Variants in MEF2C observed in about 807,000 individuals in gnomAD.
MEF2C encodes myocyte-specific enhancer factor 2C.
In MEF2C, 6 loss-of-function variants were observed where a neutral mutation model predicts 50.5. That is an observed-to-expected ratio of 0.12 (90% confidence interval 0.07 to 0.23). The LOEUF is 0.23. Among genes scored for constraint, MEF2C ranks in the 10% least tolerant of loss-of-function variants. The pLI, the probability that MEF2C is intolerant of heterozygous loss-of-function variation, is 1.00. For synonymous variants in MEF2C, 183 were observed against 228.0 expected (o/e 0.80, Z 1.78); for missense variants, 276 against 605.0 (o/e 0.46, Z 5.70).
chr5:88,749,185 C>T, intron 5 of MEF2C, 68 bp from the exon 6 acceptor site: 1 of 1,441,870 alleles, frequency 6.9e-7, no homozygotes, highest in Non-Finnish European at 9.3e-7. Flanking sequence ...ACTTTACCTT[C>T]AGCAACCTCA....
rs199642010 is a variant in MEF2C, at chr5:88,873,708, A to ATTTT, written c.-143+9243_-143+9246dup. On this transcript the variant is annotated intron_variant, in intron 1 of 10. Transcript: ENST00000504921. ...TGCAAATCTATCAATGTCGTCACGG[A>ATTTT]TTTTTTTTTTTTTTTTTTTTTTTTT... Among the ~76,000 whole-genome samples, 18 of 93,828 alleles carry ATTTT rather than the reference A, an allele frequency of 1.9e-4. 1 individual carries two copies. The highest frequency in any genetic ancestry group is 5.7e-4 in the African/African-American group (13 of 22,808). 61.6% of individuals were successfully genotyped at this position (93,828 alleles called of 152,430 possible). A position where few individuals can be genotyped will look rare whatever the true frequency, so the allele number is the denominator to read the frequency against.
At chr5:88,773,858 T>C (rs1284311860) in intron 3 of MEF2C, among the ~76,000 whole-genome samples, 1 of 152,244 alleles carries the variant, frequency 6.6e-6, no homozygotes, top group African/African-American at 2.4e-5. Context: ...TCCCTTTCCA[T>C]GTAAAATCTC....
intron 6 of MEF2C, chr5:88,744,051 G>A: frequency 1.0e-6 from 1 of 974,860 alleles, no homozygotes; most frequent in Non-Finnish European, 1.2e-6. Context: ...TCTCAACTAT[G>A]AATCAATAAC....
upstream of MEF2C, chr5:88,884,625 C>T (rs1373826788): frequency 6.8e-6 from 1 of 146,574 alleles, no homozygotes. Flanking sequence ...TGGACTTCAT[C>T]CAGGTCATTA....
At chr5:88,744,430 G>A (rs1364969450) in intron 6 of MEF2C, among the ~76,000 whole-genome samples, 1 of 152,178 alleles carries the variant, frequency 6.6e-6, no homozygotes, top group Non-Finnish European at 1.5e-5. Context: ...GCGTGCACCT[G>A]TAGTCCCAGC....
At chr5:88,741,327 C>T in intron 6 of MEF2C, 2 of 982,712 alleles carry the variant, frequency 2.0e-6, no homozygotes, top group Non-Finnish European at 2.4e-6. Context: ...GTGCTAGACC[C>T]CTTGCATCAG....
chr5:88,764,585 C>T (rs960673005), intron 3 of MEF2C, among the ~76,000 whole-genome samples: 9 of 151,442 alleles, frequency 5.9e-5, no homozygotes, highest in African/African-American at 1.2e-4. Context: ...CGAGGCAGGC[C>T]GATCACGAGG....
At chr5:88,773,489 G>A (rs964179315) in intron 3 of MEF2C, among the ~76,000 whole-genome samples, 3 of 152,160 alleles carry the variant, frequency 2.0e-5, no homozygotes, top group Admixed American at 2.0e-4. Flanking sequence ...ATAATGAACA[G>A]TTATTTCATA....
chr5:88,739,611 T>A (rs1765639755), intron 6 of MEF2C: 1 of 984,976 alleles, frequency 1.0e-6, no homozygotes, highest in African/African-American at 1.7e-5. Context: ...GAAAAAAAAA[T>A]TAGTGGAAAA....
chr5:88,839,549 A>G (rs1438727957), intron 1 of MEF2C: 1 of 152,170 alleles, frequency 6.6e-6, no homozygotes, highest in African/African-American at 2.4e-5. Flanking sequence ...ACTGCCTTTC[A>G]AAGTGAAGAC....
intron 6 of MEF2C, chr5:88,737,742 A>G: frequency 1.0e-6 from 1 of 985,394 alleles, no homozygotes; most frequent in Non-Finnish European, 1.2e-6. Flanking sequence ...TGAAGATGAA[A>G]CAATGGATCT....
chr5:88,859,644 C>T (rs1464384231), intron 1 of MEF2C, among the ~76,000 whole-genome samples: 1 of 152,126 alleles, frequency 6.6e-6, no homozygotes, highest in Non-Finnish European at 1.5e-5. Context: ...CTAAAAGAAG[C>T]CAATAATTTG....
At position 88,823,849 on chromosome 5, in the gene MEF2C, TTC is replaced by T. The variant is rs1809658080; in HGVS notation, c.-63_-62del. On this transcript the variant is annotated 5_prime_UTR_variant, in exon 2 of 11. Transcript: ENST00000504921. ...TTATGTATTTTTTCCTTCCTTTTCT[TTC>T]TCTTTCCTGTTTCCTCCAAACAAAT... 4 of 1,601,964 alleles carry T rather than the reference TTC, an allele frequency of 2.5e-6. No homozygotes were observed. The highest frequency in any genetic ancestry group is 1.1e-5 in the South Asian group (1 of 88,828).
chr5:88,832,614 T>G (rs1813503378), intron 1 of MEF2C, among the ~76,000 whole-genome samples: 2 of 152,156 alleles, frequency 1.3e-5, no homozygotes, highest in Admixed American at 6.6e-5. Context: ...TATTCACATC[T>G]GGCTCATCTG....
At chr5:88,772,941 A>G in intron 3 of MEF2C, 2 of 981,448 alleles carry the variant, frequency 2.0e-6, no homozygotes, top group Non-Finnish European at 2.4e-6. Context: ...CATCCCAGAG[A>G]CTGCCATTGA....
intron 2 of MEF2C, among the ~76,000 whole-genome samples, chr5:88,812,678 C>A (rs1414316156): frequency 6.6e-6 from 1 of 152,080 alleles, no homozygotes; most frequent in Non-Finnish European, 1.5e-5. Context: ...TGAACTTATT[C>A]TTTAGCACAG....
intron 4 of MEF2C, among the ~76,000 whole-genome samples, chr5:88,755,230 A>G (rs1261374828): frequency 6.6e-6 from 1 of 152,170 alleles, no homozygotes; most frequent in Non-Finnish European, 1.5e-5. Context: ...TAAAGCTTCT[A>G]TTTACTGTAT....
intron 1 of MEF2C, among the ~76,000 whole-genome samples, chr5:88,834,593 G>T (rs1441283788): frequency 6.6e-6 from 1 of 152,166 alleles, no homozygotes; most frequent in Non-Finnish European, 1.5e-5. Context: ...GCAGTGGAAT[G>T]GACCAAGGGG....
chr5:88,874,510 T>C (rs1259522351), intron 1 of MEF2C, among the ~76,000 whole-genome samples: 2 of 151,966 alleles, frequency 1.3e-5, no homozygotes, highest in Admixed American at 1.3e-4. Flanking sequence ...CCCTTGCTAA[T>C]GGGTCTTGAA....
Sources: allele counts gnomAD v4.1 joint callset (sites outside exome capture counted in the v4.1 genomes callset), GRCh38; gene constraint gnomAD v4.1.1; transcripts MANE v1.5; gene names NCBI Gene and HGNC (gene_info 2026-07-23, HGNC 2026-07-21).